Variants in MIPOL1 observed in about 807,000 individuals in gnomAD.
The protein encoded by MIPOL1 is mirror-image polydactyly 1.
Under a neutral mutation model 60.9 loss-of-function variants are expected in MIPOL1, and 57 were observed. The ratio of observed to expected loss-of-function variants is 0.94; its 90% CI spans 0.76 to 1.17. MIPOL1 has a LOEUF of 1.17. Among genes scored for constraint, MIPOL1 ranks in the 50% most tolerant of loss-of-function variants. The pLI, the probability that MIPOL1 is intolerant of heterozygous loss-of-function variation, is 0.00. For synonymous variants in MIPOL1, 179 were observed against 168.8 expected, an observed-to-expected ratio of 1.06 and a Z score of -0.47; for missense variants, 551 against 511.6, an observed-to-expected ratio of 1.08 and a Z score of -0.74.
intron 1 of MIPOL1, among the ~76,000 whole-genome samples, chr14:37,220,043 A>C (rs1056086109): frequency 6.6e-6 from 1 of 152,076 alleles, no homozygotes; most frequent in African/African-American, 2.4e-5. Flanking sequence ...TAGTTTTTGG[A>C]ATGTTTTTAC....
Position 37,489,975 on chromosome 14 carries a change from C to T in MIPOL1, c.1032-9933C>T, listed in dbSNP as rs112009535. Among the ~76,000 whole-genome samples, 15 of 152,306 alleles carry T rather than the reference C, an allele frequency of 9.8e-5. 1 individual carries two copies. The highest frequency in any genetic ancestry group is 3.1e-4 in the African/African-American group (13 of 41,570). ...AGTCTGACCCTTAGCATAGCTTGAA[C>T]GCTGTGCTGCGAGATCTGCTGGTCT... is the stretch of plus-strand genomic sequence containing the variant. On this transcript the variant is annotated intron_variant, in intron 11 of 12. Transcript: ENST00000684589.
intron 7 of MIPOL1, among the ~76,000 whole-genome samples, chr14:37,296,551 C>A (rs1449246866): frequency 1.3e-5 from 2 of 152,066 alleles, no homozygotes; most frequent in Non-Finnish European, 2.9e-5. Flanking sequence ...AATTGATAGA[C>A]CATTAGCAAG....
rs567110968 is a variant in MIPOL1 at position 37,542,193 on chromosome 14, C to T, written c.1263-4712C>T. On this transcript the variant is annotated intron_variant, in intron 12 of 12. Coordinates refer to ENST00000684589, the MANE Select transcript of MIPOL1 (RefSeq NM_001388067.1). ...AGCACCTACTTAACTCTGATGATCA[C>T]TCACTTCTTGGAGTTCTCATCTCTG... Among the ~76,000 whole-genome samples, 34 of 152,336 alleles carry T rather than the reference C, an allele frequency of 2.2e-4. 1 individual carries two copies. Among genetic ancestry groups the T allele is most frequent in the African/African-American group, 7.9e-4 (33 of 41,572 alleles).
In MIPOL1 at chr14:37,510,649, A is replaced by T. The variant is rs185528688; in HGVS notation, c.1262+10511A>T. ...GTTTCCCCATCTCTTCTAAAAACTC[A>T]TGCAGATACCTGCTGTAAAGTAAGT... On this transcript the variant is annotated intron_variant, in intron 12 of 12. Transcript: ENST00000684589. Among the ~76,000 whole-genome samples the T allele has an allele frequency of 2.0e-5, 3 of 152,282 alleles. No individual in the cohort carries two copies. The East Asian group carries it at 5.8e-4, about 29-fold the overall frequency.
At chr14:37,378,518 G>C (rs563746271) in intron 10 of MIPOL1, among the ~76,000 whole-genome samples, 1 of 152,106 alleles carries the variant, frequency 6.6e-6, no homozygotes, top group East Asian at 1.9e-4. Context: ...TTTGGGAACA[G>C]GCTATGACTA....
At chr14:37,204,697 A>T (rs1965814650) in intron 1 of MIPOL1, among the ~76,000 whole-genome samples, 1 of 152,156 alleles carries the variant, frequency 6.6e-6, no homozygotes, top group Non-Finnish European at 1.5e-5. Flanking sequence ...GGTCTCAAGT[A>T]TGTCTTTATT....
At chr14:37,330,837 G>C (rs1178636087) in intron 9 of MIPOL1, among the ~76,000 whole-genome samples, 1 of 151,912 alleles carries the variant, frequency 6.6e-6, no homozygotes, top group African/African-American at 2.4e-5. Flanking sequence ...GGAGAGATCA[G>C]AGAGGGATGG....
intron 12 of MIPOL1, among the ~76,000 whole-genome samples, chr14:37,527,321 T>TCAAA (rs935138265): frequency 6.6e-6 from 1 of 152,080 alleles, no homozygotes; most frequent in Non-Finnish European, 1.5e-5. Context: ...TTTGAGTTGC[T>TCAAA]TATTTGAGGT....
chr14:37,508,914 G>A (rs1243037647), intron 12 of MIPOL1, among the ~76,000 whole-genome samples: 2 of 151,990 alleles, frequency 1.3e-5, no homozygotes, highest in Non-Finnish European at 2.9e-5. Context: ...TCATCATTTA[G>A]TACTGTTCAT....
At chr14:37,302,257 C>CTT (rs1470169246) in intron 7 of MIPOL1, among the ~76,000 whole-genome samples, 41 of 103,500 alleles carry the variant, frequency 4.0e-4, no homozygotes, top group African/African-American at 1.5e-3. Context: ...GCATTTGGAA[C>CTT]TGTTGTTTTT....
chr14:37,283,207 G>A (rs952810163), intron 6 of MIPOL1, among the ~76,000 whole-genome samples: 1 of 151,916 alleles, frequency 6.6e-6, no homozygotes, highest in African/African-American at 2.4e-5. Flanking sequence ...CTGAGATCAC[G>A]GGTGCCCGCC....
chr14:37,241,760 T>A (rs991896886), intron 1 of MIPOL1, among the ~76,000 whole-genome samples: 1 of 152,140 alleles, frequency 6.6e-6, no homozygotes, highest in Non-Finnish European at 1.5e-5. Flanking sequence ...TTTTAAACTT[T>A]AGAACCCTGA....
intron 12 of MIPOL1, chr14:37,506,280 G>A (rs1304604478): frequency 6.6e-6 from 1 of 152,020 alleles, no homozygotes; most frequent in East Asian, 1.9e-4. Context: ...CCAAAAAAGA[G>A]CCCATAGCCA....
At chr14:37,351,048 T>C (rs2091317401) in intron 9 of MIPOL1, among the ~76,000 whole-genome samples, 2 of 33,540 alleles carry the variant, frequency 6.0e-5, no homozygotes, top group Non-Finnish European at 1.1e-4. Context: ...CCCAATGCTA[T>C]CCCTCCCCCC....
At chr14:37,446,152 G>T (rs74845792) in intron 11 of MIPOL1, among the ~76,000 whole-genome samples, 34,678 of 152,118 alleles carry the variant, frequency 0.23, 4,488 homozygotes, top group South Asian at 0.36. Context: ...CAAAATGGGA[G>T]AAAATTTTTG....
At chr14:37,336,169 A>G (rs2090099780) in intron 9 of MIPOL1, among the ~76,000 whole-genome samples, 1 of 147,636 alleles carries the variant, frequency 6.8e-6, no homozygotes, top group South Asian at 2.1e-4. Flanking sequence ...TGAAAAGACT[A>G]TCCTTTCCTC....
intron 11 of MIPOL1, among the ~76,000 whole-genome samples, chr14:37,428,533 G>C (rs2094005301): frequency 6.6e-6 from 1 of 152,052 alleles, no homozygotes; most frequent in Non-Finnish European, 1.5e-5. Flanking sequence ...GGTTGCCGTG[G>C]GTGGAGATCA....
At chr14:37,373,464 A>G (rs2092695790) in intron 10 of MIPOL1, among the ~76,000 whole-genome samples, 2 of 151,800 alleles carry the variant, frequency 1.3e-5, no homozygotes, top group South Asian at 4.2e-4. Flanking sequence ...TTTGTTACAC[A>G]GGTATACACA....
At chr14:37,475,422 T>C (rs936013816) in intron 11 of MIPOL1, among the ~76,000 whole-genome samples, 4 of 152,210 alleles carry the variant, frequency 2.6e-5, no homozygotes, top group Non-Finnish European at 4.4e-5. Flanking sequence ...TTTTTACTTT[T>C]AATGATGTCC....
Sources: gnomAD v4.1 joint callset for allele counts (sites outside exome capture counted in the v4.1 genomes callset) on GRCh38, gnomAD v4.1.1 for gene constraint, MANE v1.5 for transcripts, NCBI Gene and HGNC (gene_info 2026-07-23, HGNC 2026-07-21) for gene names.